The following CFAP99 variants were observed in gnomAD, a reference collection of about 807,000 sequenced individuals.
CFAP99 encodes the protein cilia- and flagella-associated protein 99.
A neutral mutation model predicts 82.7 loss-of-function variants in CFAP99; 84 were observed. The observed-to-expected ratio is 1.02, with a 90% CI of 0.85 to 1.22. The LOEUF is 1.22. Ranked by LOEUF, CFAP99 falls within the 50% of genes most tolerant of loss-of-function variation. The pLI, the probability that CFAP99 is intolerant of heterozygous loss-of-function variation, is 0.00. For synonymous variants in CFAP99, 456 were observed against 429.5 expected (o/e 1.06, Z -0.76); for missense variants, 1,059 against 983.5 (o/e 1.08, Z -1.03).
rs1051167732 is a variant in CFAP99 at position 2,432,813 on chromosome 4, G to A, written c.112-4061G>A. 5.3e-5 allele frequency among the ~76,000 whole-genome samples: 8 copies of A among 152,364 alleles called. No individual in the cohort carries two copies. In the East Asian group the frequency reaches 9.6e-4, roughly 18 times the overall value. ...AGAGACCCTTGGGCAGCCACAGGCC[G>A]GTCTCAGTGACTGAGGCTGGTTCCC... On this transcript the variant is annotated intron_variant, in intron 2 of 14. Transcript: ENST00000635017.
chr4:2,430,081 G>C (rs111964685), intron 2 of CFAP99, among the ~76,000 whole-genome samples: 1,963 of 73,406 alleles, frequency 0.027, 91 homozygotes, highest in East Asian at 0.093. Context: ...ACGGCAGACT[G>C]CGGACAGCAG....
chr4:2,459,888 G>A, intron 13 of CFAP99, 149 bp from the exon 14 acceptor site: 1 of 696,204 alleles, frequency 1.4e-6, no homozygotes, highest in Non-Finnish European at 2.5e-6. Flanking sequence ...AGCCCAGGCT[G>A]GAGAGGCTGG....
intron 4 of CFAP99, among the ~76,000 whole-genome samples, chr4:2,440,408 A>G (rs1435447664): frequency 6.6e-6 from 1 of 150,450 alleles, no homozygotes; most frequent in Admixed American, 6.6e-5. Context: ...GGCCTCCCAA[A>G]GTGCTGGGAT....
At chr4:2,450,996 C>G (rs1440937316) in exon 9 of CFAP99, 2 of 1,536,048 alleles carry the variant, frequency 1.3e-6, no homozygotes, top group Non-Finnish European at 1.7e-6. Flanking sequence ...ATCCGAAAGA[C>G]TCCGAAGCTG....
chr4:2,449,741 A>C, exon 7 of CFAP99: 1 of 1,536,190 alleles, frequency 6.5e-7, no homozygotes, highest in African/African-American at 1.4e-5. Flanking sequence ...ACAACCGCCG[A>C]AAGGCCGAGG....
chr4:2,460,697 A>C (rs1454269150), intron 14 of CFAP99, among the ~76,000 whole-genome samples: 1 of 152,002 alleles, frequency 6.6e-6, no homozygotes. Context: ...TAAATATCTC[A>C]TCTTTTTTCA....
chr4:2,434,428 G>A (rs868287970), intron 2 of CFAP99, among the ~76,000 whole-genome samples: 2 of 152,240 alleles, frequency 1.3e-5, no homozygotes, highest in African/African-American at 4.8e-5. Context: ...GCCCTAGAAC[G>A]AAGGACTGTC....
In CFAP99 at chr4:2,429,462, G is replaced by A. The variant is rs184066341; in HGVS notation, c.111+2876G>A. 8.2e-3 allele frequency among the ~76,000 whole-genome samples: 1,256 copies of A among 152,292 alleles called. 17 individuals carry two copies. Among genetic ancestry groups the A allele is most frequent in the Non-Finnish European group, 0.013 (888 of 68,018 alleles). ...GGGAGCCTGGCACACCGATCCTACCGGCAAACTGGCAGCGGCAGACACAAC... is the reference window on the plus strand; with the variant it reads ...GGGAGCCTGGCACACCGATCCTACCAGCAAACTGGCAGCGGCAGACACAAC... On this transcript the variant is annotated intron_variant, in intron 2 of 14. Transcript: ENST00000635017.
Position 2,423,872 on chromosome 4 carries a change from T to C in CFAP99, c.-17-2587T>C, listed in dbSNP as rs1265810624. 3.0e-5 allele frequency among the ~76,000 whole-genome samples: 4 copies of C among 134,256 alleles called. No homozygotes were observed. The East Asian group carries it at 8.0e-4, about 27-fold the overall frequency. The allele number at this position is 134,256 out of a possible 152,430, so 88.1% of individuals were successfully genotyped here. A position where few individuals can be genotyped will look rare whatever the true frequency, so the allele number is the denominator to read the frequency against. On this transcript the variant is annotated intron_variant, in intron 1 of 14. Transcript: ENST00000635017. ...ACGCACCTCCAGGCAGCCTTGCTGG[T>C]CTCCAGACATGGGGTGGGGGGAGGG... is the stretch of plus-strand genomic sequence containing the variant.
At chr4:2,453,059 T>A (rs1206805396) in intron 11 of CFAP99, among the ~76,000 whole-genome samples, 1 of 152,138 alleles carries the variant, frequency 6.6e-6, no homozygotes, top group Admixed American at 6.6e-5. Flanking sequence ...CGTAACTGTC[T>A]CAAAAACAAA....
chr4:2,424,194 A>G (rs891379162), intron 1 of CFAP99, among the ~76,000 whole-genome samples: 10 of 152,214 alleles, frequency 6.6e-5, no homozygotes, highest in Admixed American at 5.2e-4. Flanking sequence ...TGAGGCAGGC[A>G]GATCACCTGA....
At chr4:2,458,775 C>T (rs764547557) in exon 12 of CFAP99, 80 of 1,535,758 alleles carry the variant, frequency 5.2e-5, no homozygotes, top group Non-Finnish European at 6.9e-5. Flanking sequence ...GAGGACAGGT[C>T]CAGGAAGGAG....
chr4:2,419,469 G>C (rs1377903770), intron 1 of CFAP99, among the ~76,000 whole-genome samples: 1 of 152,152 alleles, frequency 6.6e-6, no homozygotes, highest in East Asian at 1.9e-4. Context: ...CCCTGGCTGT[G>C]GGGGTTGCAT....
intron 6 of CFAP99, among the ~76,000 whole-genome samples, chr4:2,447,821 GGT>G (rs1734204168): frequency 6.9e-6 from 1 of 145,272 alleles, no homozygotes; most frequent in African/African-American, 2.5e-5. Context: ...TGGATGGATG[GGT>G]GGGTGGGTGG....
intron 4 of CFAP99, among the ~76,000 whole-genome samples, chr4:2,438,705 G>A (rs1401934922): frequency 6.6e-6 from 1 of 152,144 alleles, no homozygotes; most frequent in African/African-American, 2.4e-5. Flanking sequence ...AGGAGTTTGA[G>A]GCTGCAGTGA....
chr4:2,450,265 G>A (rs1734273548), intron 8 of CFAP99: 1 of 545,054 alleles, frequency 1.8e-6, no homozygotes, highest in Non-Finnish European at 3.3e-6. Context: ...CTGCCTCTGG[G>A]TATCTCCAGA....
intron 2 of CFAP99, chr4:2,426,985 C>T (rs1733698964): frequency 8.5e-6 from 2 of 235,882 alleles, no homozygotes; most frequent in Non-Finnish European, 1.7e-5. Flanking sequence ...AAGGCCACAA[C>T]TTGTGCTGTA....
At position 2,440,632 on chromosome 4, in the gene CFAP99, C is replaced by A. The variant is rs942897384; in HGVS notation, c.351+2468C>A. ...TTTTGAGGTGGAGTCTCACTCTGTC[C>A]CCCAGGCTGGAGTGCAGTGGCGTGA... On this transcript the variant is annotated intron_variant, in intron 4 of 14. Coordinates refer to ENST00000635017, the Ensembl canonical transcript of CFAP99. 2.9e-4 allele frequency among the ~76,000 whole-genome samples: 43 copies of A among 150,634 alleles called. 1 individual carries two copies. Among genetic ancestry groups the A allele is most frequent in the Non-Finnish European group, 8.9e-5 (6 of 67,632 alleles).
At position 2,461,869 on chromosome 4, in the gene CFAP99, G is replaced by A. The variant is rs532258298; in HGVS notation, c.1662-574G>A. On this transcript the variant is annotated intron_variant, in intron 14 of 14. Coordinates refer to ENST00000635017, the Ensembl canonical transcript of CFAP99. ...GAGATGCAGGCCACAGCACCACAGC[G>A]TTAGCAGGGGGTACCTCCAGGCAAG... Among the ~76,000 whole-genome samples the A allele has an allele frequency of 5.9e-5, 9 of 152,238 alleles. No homozygotes were observed. In the South Asian group the frequency reaches 8.3e-4, roughly 14 times the overall value.
Sources: gnomAD v4.1 joint callset for allele counts (sites outside exome capture counted in the v4.1 genomes callset) on GRCh38, gnomAD v4.1.1 for gene constraint, MANE v1.5 for transcripts, NCBI Gene and HGNC (gene_info 2026-07-23, HGNC 2026-07-21) for gene names.